USP31: variants seen among roughly 807,000 people sequenced by gnomAD.
USP31 encodes ubiquitin specific peptidase 31, also known as ubiquitin carboxyl-terminal hydrolase 31.
In USP31, 44 loss-of-function variants were observed where a neutral mutation model predicts 119.4. The ratio of observed to expected loss-of-function variants is 0.37; its 90% confidence interval spans 0.29 to 0.47. USP31 has a LOEUF of 0.47. Ranked by LOEUF, USP31 falls within the 20% of genes least tolerant of loss-of-function variation. The pLI is 0.99. For synonymous variants in USP31, 749 were observed against 705.6 expected (o/e 1.06, Z -0.97); for missense variants, 1,643 against 1,730.2 (o/e 0.95, Z 0.89).
intron 1 of USP31, among the ~76,000 whole-genome samples, chr16:23,117,746 C>T (rs988468960): frequency 3.0e-5 from 4 of 131,946 alleles, no homozygotes; most frequent in African/African-American, 1.1e-4. Flanking sequence ...GATTTTTTTC[C>T]TTTTCTTTTT....
At position 23,068,708 on chromosome 16, in the gene USP31, C is replaced by T. The variant is rs1459273261; in HGVS notation, c.3397G>A (p.Ala1133Thr). Residue 1133 changes from alanine (A) to threonine (T), a missense_variant, in exon 16 of 16, where the codon GCC (alanine) becomes ACC (threonine). Transcript: ENST00000219689. Reference sequence around the variant, plus strand: ...GGGCTCCTTGTGGCAGGGCCCGAGGCCTTTTTGGCAGATGTGGAGGAAGCA... The same window carrying T: ...GGGCTCCTTGTGGCAGGGCCCGAGGTCTTTTTGGCAGATGTGGAGGAAGCA... ...YTASSTSAKK[A>T]SGPATRSPFP... 1 of 1,613,004 alleles carries T rather than the reference C, an allele frequency of 6.2e-7. No individual in the cohort carries two copies. Among genetic ancestry groups the T allele is most frequent in the Non-Finnish European group, 8.5e-7 (1 of 1,179,618 alleles).
chr16:23,098,180 C>T (rs1217672840), intron 6 of USP31, among the ~76,000 whole-genome samples: 1 of 152,012 alleles, frequency 6.6e-6, no homozygotes, highest in Non-Finnish European at 1.5e-5. Context: ...ACACCAATAA[C>T]AGACAAACAG....
At chr16:23,106,614 T>C (rs1027857877) in intron 2 of USP31, 127 bp from the exon 3 acceptor site, 9 of 947,372 alleles carry the variant, frequency 9.5e-6, no homozygotes, top group South Asian at 1.7e-5. Flanking sequence ...GATACTTCAG[T>C]GACGGGCACC....
At chr16:23,069,663 T>C in intron 15 of USP31, 47 bp from the exon 16 acceptor site, 1 of 1,546,802 alleles carries the variant, frequency 6.5e-7, no homozygotes, top group Admixed American at 1.9e-5. Context: ...AATGAAGACA[T>C]TCTAACAACA....
chr16:23,075,336 G>A (rs1900522177), intron 13 of USP31, among the ~76,000 whole-genome samples: 1 of 152,172 alleles, frequency 6.6e-6, no homozygotes, highest in South Asian at 2.1e-4. Flanking sequence ...ATGCCCAAGA[G>A]AAGGAGACAG....
chr16:23,073,858 G>A lies in USP31; in HGVS notation c.2199C>T (p.Asp733=), dbSNP rs114513842. The change falls in exon 14 of 16, where the codon GAC becomes GAT. Residue 733 remains aspartate (D), a synonymous_variant. Transcript: ENST00000219689. ...TGTCATCGAAGCAGTACCAGAGGCC[G>A]TCCACAGAGTTCTTACAGTACGCTG... ...HYTAYCKNSV[D]GLWYCFDDSD... is the part of the protein sequence containing the mutation. The A allele has an allele frequency of 3.3e-5, 53 of 1,613,974 alleles. No homozygotes were observed. Among genetic ancestry groups the A allele is most frequent in the African/African-American group, 2.7e-4 (20 of 75,014 alleles).
At position 23,092,467 on chromosome 16, in the gene USP31, A is replaced by G. The variant is rs1025207211; in HGVS notation, c.1235-1663T>C. 2.0e-5 allele frequency among the ~76,000 whole-genome samples: 3 copies of G among 152,202 alleles called. No homozygotes were observed. The East Asian group carries it at 5.8e-4, about 29-fold the overall frequency. On this transcript the variant is annotated intron_variant, in intron 6 of 15. Coordinates refer to ENST00000219689, the MANE Select transcript of USP31 (RefSeq NM_020718.4). ...TCACAGTGTGGTGGGAAGGACAGAG[A>G]AGAAAACAAATCATTTCCACATAAC... is the stretch of plus-strand genomic sequence containing the variant.
chr16:23,105,249 T>C (rs1274829009), intron 5 of USP31, among the ~76,000 whole-genome samples, 192 bp downstream of exon 5: 1 of 152,218 alleles, frequency 6.6e-6, no homozygotes, highest in Non-Finnish European at 1.5e-5. Context: ...ATATACACAA[T>C]TAAATGAAAC....
chr16:23,094,622 G>A (rs1390548246), intron 6 of USP31, among the ~76,000 whole-genome samples: 2 of 152,142 alleles, frequency 1.3e-5, no homozygotes, highest in Non-Finnish European at 2.9e-5. Context: ...TCATACAGGC[G>A]GGTGCCTGTC....
intron 1 of USP31, among the ~76,000 whole-genome samples, chr16:23,145,387 G>C (rs985099170): frequency 3.9e-5 from 6 of 152,112 alleles, no homozygotes; most frequent in African/African-American, 1.4e-4. Context: ...GAACTTCCTA[G>C]ATCCTACTCG....
Position 23,127,603 on chromosome 16 carries a change from C to T in USP31, c.634-19420G>A, listed in dbSNP as rs1902901467. Among the ~76,000 whole-genome samples, 3 of 151,474 alleles carry T rather than the reference C, an allele frequency of 2.0e-5. No individual in the cohort carries two copies. The South Asian group carries it at 6.3e-4, about 32-fold the overall frequency. On this transcript the variant is annotated intron_variant, in intron 1 of 15. Coordinates refer to ENST00000219689, the MANE Select transcript of USP31 (RefSeq NM_020718.4). ...TCAGCCTCCCAAGTAGCTGGGATTA[C>T]AGGCACCTACCTACCACTGCGCCTG...
chr16:23,067,876 C>A lies in USP31; in HGVS notation c.*170G>T, dbSNP rs146461244. On this transcript the variant is annotated 3_prime_UTR_variant, in exon 16 of 16. Transcript: ENST00000219689. The stretch of plus-strand genomic sequence containing the variant: ...TGGCAGAATAAGGCGACGCTTTGAA[C>A]AATTTGCAATTGAATTAGACACACA... The A allele has an allele frequency of 4.7e-6, 4 of 852,022 alleles. No individual in the cohort carries two copies. Among genetic ancestry groups the A allele is most frequent in the Admixed American group, 3.3e-5 (1 of 30,622 alleles). 52.8% of individuals were successfully genotyped at this position (852,022 alleles called of 1,614,324 possible).
chr16:23,070,064 G>A (rs1385905232), intron 15 of USP31, among the ~76,000 whole-genome samples: 2 of 152,232 alleles, frequency 1.3e-5, no homozygotes, highest in Admixed American at 6.5e-5. Context: ...TGGGGCTACA[G>A]TTTGCTGACC....
chr16:23,096,247 A>G (rs926226240), intron 6 of USP31, among the ~76,000 whole-genome samples: 4 of 152,224 alleles, frequency 2.6e-5, no homozygotes, highest in Non-Finnish European at 5.9e-5. Flanking sequence ...GAGAAAAAGA[A>G]GGCCATTACA....
chr16:23,080,945 C>G (rs1034577673), intron 12 of USP31, among the ~76,000 whole-genome samples: 1 of 152,066 alleles, frequency 6.6e-6, no homozygotes, highest in African/African-American at 2.4e-5. Context: ...GGTGATGTCA[C>G]CAGAGTTGTG....
chr16:23,146,239 T>TG (rs1316192132), intron 1 of USP31, among the ~76,000 whole-genome samples: 2 of 88,398 alleles, frequency 2.3e-5, no homozygotes. Flanking sequence ...CAGTGTGGGG[T>TG]GGGGGGCGGG....
chr16:23,148,849 G>A lies in USP31; in HGVS notation c.422C>T (p.Ala141Val), dbSNP rs1345989672. 1 of 1,528,372 alleles carries A rather than the reference G, an allele frequency of 6.5e-7. No individual in the cohort carries two copies. Among genetic ancestry groups the A allele is most frequent in the Non-Finnish European group, 8.8e-7 (1 of 1,138,810 alleles). 94.7% of individuals were successfully genotyped at this position (1,528,372 alleles called of 1,614,324 possible). Residue 141 changes from alanine to valine, a missense_variant, in exon 1 of 16, where the codon GCC becomes GTC. By Grantham distance (64) the Ala-to-Val change is moderately conservative. Around this residue, in one of 5 missense-constraint regions of USP31, gnomAD observed 302 missense variants for 262.6 expected, o/e 1.15. Coordinates refer to ENST00000219689, the MANE Select transcript of USP31 (RefSeq NM_020718.4). ...GGTGTTGCTGAGGCACTGCAGCGTGGCGTTCATGAAGCACGTGTTGCCGTG... is the reference window on the plus strand; with the variant it reads ...GGTGTTGCTGAGGCACTGCAGCGTGACGTTCATGAAGCACGTGTTGCCGTG... ...RNHGNTCFMNATLQCLSNTEL... is the reference protein window; with the variant it reads ...RNHGNTCFMNVTLQCLSNTEL...
intron 10 of USP31, 56 bp downstream of exon 10, chr16:23,085,529 A>G: frequency 6.8e-7 from 1 of 1,467,186 alleles, no homozygotes; most frequent in Non-Finnish European, 9.5e-7. Context: ...AAGGTGTGCT[A>G]TAAAAATGAT....
At chr16:23,143,590 G>A (rs535148640) in intron 1 of USP31, among the ~76,000 whole-genome samples, 1 of 150,670 alleles carries the variant, frequency 6.6e-6, no homozygotes, top group Non-Finnish European at 1.5e-5. Context: ...GAGGTTGGGG[G>A]GGGGGAGAGA....
Sources: gnomAD v4.1 joint callset for allele counts (sites outside exome capture counted in the v4.1 genomes callset) on GRCh38, gnomAD v4.1.1 for gene constraint, gnomAD v4.1.1 regional missense constraint, MANE v1.5 for transcripts, NCBI Gene and HGNC (gene_info 2026-07-23, HGNC 2026-07-21) for gene names.